Variants in FRAS1 observed in about 807,000 individuals in gnomAD.
FRAS1 encodes the protein extracellular matrix organizing protein FRAS1.
Under a neutral mutation model 435.2 loss-of-function variants are expected in FRAS1, and 290 were observed. That is an observed-to-expected ratio of 0.67 (90% confidence interval 0.61 to 0.73). The LOEUF (loss-of-function observed/expected upper bound fraction) is 0.73. FRAS1 is among the 30% of genes least tolerant of loss of function. FRAS1 has a pLI of 0.00. For synonymous variants in FRAS1, 1,800 were observed against 1,851.0 expected, an observed-to-expected ratio of 0.97 and a Z score of 0.71; for missense variants, 4,860 against 5,001.5, an observed-to-expected ratio of 0.97 and a Z score of 0.85.
chr4:78,535,188 C>T (rs866658290), intron 71 of FRAS1, among the ~76,000 whole-genome samples: 6 of 152,200 alleles, frequency 3.9e-5, no homozygotes, highest in African/African-American at 1.4e-4. Flanking sequence ...TCTCCTGTCC[C>T]TGGCCTCCAT....
chr4:78,468,677 T>A (rs1719611969), intron 50 of FRAS1, among the ~76,000 whole-genome samples: 1 of 152,208 alleles, frequency 6.6e-6, no homozygotes. Flanking sequence ...TTTTTACTCA[T>A]CCCTTTGTTT....
intron 70 of FRAS1, among the ~76,000 whole-genome samples, chr4:78,529,839 G>T (rs915554590): frequency 6.6e-6 from 1 of 152,120 alleles, no homozygotes; most frequent in African/African-American, 2.4e-5. Context: ...AATGGTATAT[G>T]ATTTAAAACT....
Position 78,327,670 on chromosome 4 carries a change from G to A in FRAS1, c.2138-5602G>A, listed in dbSNP as rs1729773245. 2.0e-5 allele frequency among the ~76,000 whole-genome samples: 3 copies of A among 152,090 alleles called. No individual in the cohort carries two copies. The South Asian group carries it at 6.2e-4, about 32-fold the overall frequency. On this transcript the variant is annotated intron_variant, in intron 18 of 73. Coordinates refer to ENST00000512123, the MANE Select transcript of FRAS1 (RefSeq NM_025074.7). The stretch of plus-strand genomic sequence containing the variant: ...AGGCAGTCTCTAAAAATGTAGTATT[G>A]CATGGAGGAATTATTCATAGAACTT...
chr4:78,221,004 C>CA (rs1316788901), intron 2 of FRAS1, among the ~76,000 whole-genome samples: 6 of 151,946 alleles, frequency 3.9e-5, no homozygotes, highest in African/African-American at 1.5e-4. Context: ...CCTGTCTCTA[C>CA]AAAAAATACA....
intron 40 of FRAS1, among the ~76,000 whole-genome samples, chr4:78,440,055 G>A (rs1340056107): frequency 6.5e-5 from 8 of 123,778 alleles, no homozygotes; most frequent in East Asian, 2.3e-4. Flanking sequence ...ACGGAGTCTC[G>A]CTCTGTCGCC....
chr4:78,363,223 A>T (rs1052114985), intron 20 of FRAS1, among the ~76,000 whole-genome samples: 2 of 151,854 alleles, frequency 1.3e-5, no homozygotes, highest in African/African-American at 4.8e-5. Flanking sequence ...TTCTCTCTAT[A>T]CTCCTAGCAA....
chr4:78,305,854 C>A (rs1311925029), intron 14 of FRAS1, among the ~76,000 whole-genome samples: 1 of 151,380 alleles, frequency 6.6e-6, no homozygotes, highest in Non-Finnish European at 1.5e-5. Context: ...AGCATTTAGT[C>A]CATTTACATT....
chr4:78,314,023 C>G (rs1192895264), intron 15 of FRAS1, among the ~76,000 whole-genome samples: 1 of 152,162 alleles, frequency 6.6e-6, no homozygotes, highest in Non-Finnish European at 1.5e-5. Flanking sequence ...CCTTTGACTT[C>G]TCAGTCACCA....
intron 14 of FRAS1, among the ~76,000 whole-genome samples, chr4:78,298,853 G>A (rs959658526): frequency 4.6e-5 from 7 of 152,164 alleles, no homozygotes; most frequent in African/African-American, 1.7e-4. Flanking sequence ...GTCCCCATTT[G>A]GGAGGGTATT....
intron 31 of FRAS1, among the ~76,000 whole-genome samples, chr4:78,409,438 C>G (rs138681203): frequency 1.3e-5 from 2 of 151,852 alleles, no homozygotes; most frequent in African/African-American, 4.8e-5. Flanking sequence ...CATTAAAATA[C>G]GTGGACAAAA....
chr4:78,508,204 A>G (rs1720902088), intron 62 of FRAS1, among the ~76,000 whole-genome samples: 1 of 152,232 alleles, frequency 6.6e-6, no homozygotes, highest in African/African-American at 2.4e-5. Context: ...GTTGCCAAGG[A>G]AAATTTAACC....
At chr4:78,385,277 T>C (rs1202507966) in intron 28 of FRAS1, among the ~76,000 whole-genome samples, 1 of 152,000 alleles carries the variant, frequency 6.6e-6, no homozygotes, top group Non-Finnish European at 1.5e-5. Flanking sequence ...AGCAAGAGAG[T>C]GGAATATTCT....
intron 2 of FRAS1, among the ~76,000 whole-genome samples, chr4:78,213,076 A>G (rs376895508): frequency 1.3e-5 from 2 of 152,162 alleles, no homozygotes; most frequent in Non-Finnish European, 2.9e-5. Flanking sequence ...ATATCGTGGG[A>G]CACAGACCCC....
chr4:78,526,400 G>T, intron 69 of FRAS1, 141 bp from the exon 70 acceptor site: 1 of 569,336 alleles, frequency 1.8e-6, no homozygotes, highest in South Asian at 2.6e-5. Context: ...CCCGAAAATG[G>T]TGTTTGCAGA....
intron 2 of FRAS1, among the ~76,000 whole-genome samples, chr4:78,231,985 T>A (rs947815096): frequency 1.3e-5 from 2 of 152,190 alleles, no homozygotes; most frequent in African/African-American, 4.8e-5. Context: ...TTTTGCTGAA[T>A]GTGTTAGATT....
At chr4:78,176,553 A>G (rs1473697806) in intron 2 of FRAS1, among the ~76,000 whole-genome samples, 1 of 152,262 alleles carries the variant, frequency 6.6e-6, no homozygotes, top group East Asian at 1.9e-4. Context: ...TCTCCCTGAC[A>G]CCTTCTCATT....
chr4:78,536,158 A>G (rs1002644208), intron 71 of FRAS1, among the ~76,000 whole-genome samples: 5 of 151,014 alleles, frequency 3.3e-5, no homozygotes, highest in African/African-American at 1.2e-4. Flanking sequence ...ACCAGGGCTT[A>G]CATCCTTGAA....
chr4:78,095,984 A>G (rs1314493710), intron 2 of FRAS1, among the ~76,000 whole-genome samples: 1 of 152,160 alleles, frequency 6.6e-6, no homozygotes, highest in Non-Finnish European at 1.5e-5. Context: ...CCACAGTCCA[A>G]AGTTTCATCT....
chr4:78,185,548 T>A (rs1722234446), intron 2 of FRAS1, among the ~76,000 whole-genome samples: 1 of 152,212 alleles, frequency 6.6e-6, no homozygotes, highest in South Asian at 2.1e-4. Flanking sequence ...ATTTTTTTAA[T>A]CTAATAAAGT....
Sources: gnomAD v4.1 joint callset for allele counts (sites outside exome capture counted in the v4.1 genomes callset) on GRCh38, gnomAD v4.1.1 for gene constraint, MANE v1.5 for transcripts, NCBI Gene and HGNC (gene_info 2026-07-23, HGNC 2026-07-21) for gene names.